The following LRBA variants were observed in gnomAD, a reference collection of about 807,000 sequenced individuals.
The protein encoded by LRBA is LPS responsive beige-like anchor protein, also known as lipopolysaccharide-responsive and beige-like anchor protein.
Under a neutral mutation model 330.0 loss-of-function variants are expected in LRBA, and 176 were observed. The observed-to-expected ratio is 0.53, with a 90% CI of 0.47 to 0.60. The LOEUF (loss-of-function observed/expected upper bound fraction) is 0.60. Among genes scored for constraint, LRBA ranks in the 20% least tolerant of loss-of-function variants. LRBA has a pLI of 0.00. For missense variants in LRBA, 3,259 were observed against 3,444.8 expected, an observed-to-expected ratio of 0.95 and a Z score of 1.35; for synonymous variants, 1,230 against 1,193.0, an observed-to-expected ratio of 1.03 and a Z score of -0.64.
Position 150,380,613 on chromosome 4 carries a change from T to C in LRBA, c.7195-30454A>G, listed in dbSNP as rs142308171. On this transcript the variant is annotated intron_variant, in intron 47 of 56. Coordinates refer to ENST00000651943, the MANE Select transcript of LRBA (RefSeq NM_001364905.1). Reference sequence around the variant, plus strand: ...TTGCAGTTTATGTAGAATGCACACATTAGCAATATAAAAGGAAAAGAAGAT... The same window carrying C: ...TTGCAGTTTATGTAGAATGCACACACTAGCAATATAAAAGGAAAAGAAGAT... 1.4e-4 allele frequency among the ~76,000 whole-genome samples: 21 copies of C among 152,222 alleles called. No individual in the cohort carries two copies. In the East Asian group the frequency reaches 4.0e-3, roughly 29 times the overall value.
chr4:150,933,286 G>C (rs527875175), intron 2 of LRBA, among the ~76,000 whole-genome samples: 45 of 151,848 alleles, frequency 3.0e-4, no homozygotes, highest in African/African-American at 1.0e-3. Flanking sequence ...TACTTGGGAG[G>C]CTGAGGCACA....
intron 37 of LRBA, among the ~76,000 whole-genome samples, chr4:150,651,326 C>T (rs4311291): frequency 0.8 from 121,945 of 152,124 alleles, 52,528 homozygotes; most frequent in Non-Finnish European, 0.95. Flanking sequence ...TCTATGTGCA[C>T]GGTGACACGG....
At chr4:150,742,756 A>G (rs1329370834) in intron 35 of LRBA, among the ~76,000 whole-genome samples, 2 of 151,996 alleles carry the variant, frequency 1.3e-5, no homozygotes, top group African/African-American at 4.8e-5. Context: ...AAATTAGCTG[A>G]GCATGGTGGT....
chr4:150,844,619 G>T, intron 27 of LRBA, 39 bp downstream of exon 27: 1 of 1,545,652 alleles, frequency 6.5e-7, no homozygotes, highest in Non-Finnish European at 8.8e-7. Flanking sequence ...TGTAAAATAG[G>T]AGTATGCTTT....
intron 37 of LRBA, among the ~76,000 whole-genome samples, chr4:150,664,710 T>G (rs1399456192): frequency 6.6e-6 from 1 of 152,136 alleles, no homozygotes; most frequent in Non-Finnish European, 1.5e-5. Flanking sequence ...AAGTGCTTAT[T>G]TTCAAAAACC....
At chr4:150,593,083 A>G (rs560402196) in intron 38 of LRBA, among the ~76,000 whole-genome samples, 1 of 152,276 alleles carries the variant, frequency 6.6e-6, no homozygotes, top group South Asian at 2.1e-4. Context: ...GCTAAACAAG[A>G]TCTTTTGCAG....
chr4:150,757,421 T>C (rs917930515), intron 35 of LRBA, among the ~76,000 whole-genome samples: 1 of 152,138 alleles, frequency 6.6e-6, no homozygotes, highest in African/African-American at 2.4e-5. Context: ...CCTTATGCTG[T>C]AGTCTGTCTA....
chr4:150,530,595 G>A (rs1561310057), intron 40 of LRBA, among the ~76,000 whole-genome samples: 1 of 152,106 alleles, frequency 6.6e-6, no homozygotes, highest in Non-Finnish European at 1.5e-5. Flanking sequence ...TATCCTGTAG[G>A]ATTAAATTCA....
At chr4:150,766,045 C>A (rs1335657139) in intron 34 of LRBA, among the ~76,000 whole-genome samples, 1 of 151,958 alleles carries the variant, frequency 6.6e-6, no homozygotes, top group Non-Finnish European at 1.5e-5. Flanking sequence ...TTTATGGAGG[C>A]TCAGAAACTC....
chr4:150,489,131 A>ATATATCATATATAATATATAAGAC (rs1758337507), intron 41 of LRBA, among the ~76,000 whole-genome samples: 1 of 99,440 alleles, frequency 1.0e-5, no homozygotes, highest in South Asian at 2.8e-4. Flanking sequence ...ATATATAAGA[A>ATATATCATATATAATATATAAGAC]TATATAATAT....
chr4:150,863,126 G>A (rs968403083), intron 22 of LRBA, among the ~76,000 whole-genome samples: 6 of 151,798 alleles, frequency 4.0e-5, no homozygotes, highest in African/African-American at 9.7e-5. Flanking sequence ...GTAAGACCTC[G>A]TCTCTACAAA....
intron 37 of LRBA, among the ~76,000 whole-genome samples, chr4:150,635,556 T>C (rs1777810097): frequency 6.6e-6 from 1 of 152,214 alleles, no homozygotes; most frequent in Non-Finnish European, 1.5e-5. Context: ...AGGCTTGTTG[T>C]ATATGAACTT....
In LRBA at chr4:150,855,702, C is replaced by T. The variant is rs185264177; in HGVS notation, c.2767-2759G>A. 3.9e-4 allele frequency among the ~76,000 whole-genome samples: 59 copies of T among 152,198 alleles called. 1 individual carries two copies. The highest frequency in any genetic ancestry group is 7.0e-4 in the African/African-American group (29 of 41,556). Reference sequence around the variant, plus strand: ...AAAATCACTATCCTGGTATTTCTATCGTTCACTGTTTATAAATAGTTTTAC... The same window carrying T: ...AAAATCACTATCCTGGTATTTCTATTGTTCACTGTTTATAAATAGTTTTAC... On this transcript the variant is annotated intron_variant, in intron 22 of 56. Transcript: ENST00000651943.
rs544220382 is a variant in LRBA at position 150,507,874 on chromosome 4, A to G, written c.6331-16839T>C. ...TGGGTTAAGAAAACGTGGCACATACACACCATGGAATACTATGCAGCCATA... is the reference window on the plus strand; with the variant it reads ...TGGGTTAAGAAAACGTGGCACATACGCACCATGGAATACTATGCAGCCATA... On this transcript the variant is annotated intron_variant, in intron 40 of 56. Coordinates refer to ENST00000651943, the MANE Select transcript of LRBA (RefSeq NM_001364905.1). 5.9e-5 allele frequency among the ~76,000 whole-genome samples: 9 copies of G among 152,224 alleles called. No individual in the cohort carries two copies. The East Asian group carries it at 1.4e-3, about 23-fold the overall frequency.
intron 30 of LRBA, among the ~76,000 whole-genome samples, chr4:150,820,874 C>T (rs1745333142): frequency 6.6e-6 from 1 of 151,932 alleles, no homozygotes; most frequent in South Asian, 2.1e-4. Context: ...AAGCATGTTC[C>T]ACAGTTAACA....
intron 47 of LRBA, among the ~76,000 whole-genome samples, chr4:150,367,349 T>C (rs1005978734): frequency 6.6e-6 from 1 of 152,180 alleles, no homozygotes; most frequent in Non-Finnish European, 1.5e-5. Flanking sequence ...AAAGACAGTT[T>C]TCTTACAGTG....
chr4:150,264,689 A>G lies in LRBA; in HGVS notation c.*1033T>C, dbSNP rs2126675222. 6.5e-6 allele frequency: 1 copy of G among 152,806 alleles called. No homozygotes were observed. Among genetic ancestry groups the G allele is most frequent in the Non-Finnish European group, 1.5e-5 (1 of 68,038 alleles). The allele number at this position is 152,806 out of a possible 1,614,324, so 9.5% of individuals were successfully genotyped here. On this transcript the variant is annotated 3_prime_UTR_variant, in exon 57 of 57. Transcript: ENST00000651943. ...AACATACAAAGAATTTATTTATGCA[A>G]TACAGGCCTTTTCTCAAATATTTTT...
At chr4:150,576,575 G>A (rs1770577266) in intron 40 of LRBA, among the ~76,000 whole-genome samples, 1 of 151,828 alleles carries the variant, frequency 6.6e-6, no homozygotes, top group South Asian at 2.1e-4. Context: ...ATCAAATTAT[G>A]TATAGTTTAA....
intron 36 of LRBA, among the ~76,000 whole-genome samples, chr4:150,702,620 T>C (rs1235959089): frequency 6.6e-6 from 1 of 152,166 alleles, no homozygotes; most frequent in Non-Finnish European, 1.5e-5. Context: ...CATAGTTAAT[T>C]AGTGGCAGAA....
Sources: gnomAD v4.1 joint callset for allele counts (sites outside exome capture counted in the v4.1 genomes callset) on GRCh38, gnomAD v4.1.1 for gene constraint, MANE v1.5 for transcripts, NCBI Gene and HGNC (gene_info 2026-07-23, HGNC 2026-07-21) for gene names.